Variants in PRRC2C observed in about 807,000 individuals in gnomAD.
PRRC2C encodes the protein protein PRRC2C.
In PRRC2C, 72 loss-of-function variants were observed where a neutral mutation model predicts 317.2. That is an observed-to-expected ratio of 0.23 (90% CI 0.19 to 0.28). The LOEUF is 0.28. PRRC2C is among the 10% of genes least tolerant of loss of function. PRRC2C has a pLI of 1.00. For missense variants in PRRC2C, 3,074 were observed against 3,459.7 expected (o/e 0.89, Z 2.80); for synonymous variants, 1,296 against 1,205.9 (o/e 1.07, Z -1.55).
intron 22 of PRRC2C, 108 bp downstream of exon 22, chr1:171,566,951 T>A: frequency 8.3e-7 from 1 of 1,202,460 alleles, no homozygotes. Flanking sequence ...GGCATATAAC[T>A]CTATAGATTA....
chr1:171,496,346 G>T (rs572139080), intron 1 of PRRC2C, among the ~76,000 whole-genome samples: 81 of 151,552 alleles, frequency 5.3e-4, no homozygotes, highest in South Asian at 4.2e-3. Context: ...GAGACTACAG[G>T]TGCACGCCAC....
chr1:171,553,428 A>ATT lies in PRRC2C; in HGVS notation c.5127+3198_5127+3199dup, dbSNP rs571256893. Among the ~76,000 whole-genome samples the ATT allele has an allele frequency of 2.6e-3, 383 of 146,962 alleles. 2 individuals are homozygous for ATT. Among genetic ancestry groups the ATT allele is most frequent in the African/African-American group, 8.4e-3 (339 of 40,140 alleles). On this transcript the variant is annotated intron_variant, in intron 18 of 34. Transcript: ENST00000647382. ...AAAAAACCAGCTCCTAGATTCATTG[A>ATT]TTTTTTTTTTTGAAGGGTTTCTTTG...
rs1433543947 is a variant in PRRC2C at position 171,571,173 on chromosome 1, C to T, written c.6652-147C>T. 7.4e-6 allele frequency: 4 copies of T among 543,406 alleles called. No homozygotes were observed. In the South Asian group the frequency reaches 1.1e-4, roughly 15 times the overall value. 33.7% of individuals were successfully genotyped at this position (543,406 alleles called of 1,614,324 possible). On this transcript the variant is annotated intron_variant, in intron 23 of 34. Coordinates refer to ENST00000647382, the MANE Select transcript of PRRC2C (RefSeq NM_001387844.1). The stretch of plus-strand genomic sequence containing the variant: ...ATCCTTAATTACCAACTACTATAAA[C>T]ACAATGTGACTCTTAAGTAATCACA...
chr1:171,497,729 A>G (rs1470735855), intron 1 of PRRC2C, among the ~76,000 whole-genome samples: 1 of 152,150 alleles, frequency 6.6e-6, no homozygotes, highest in Non-Finnish European at 1.5e-5. Context: ...TTCGCCTTTC[A>G]AAGTGCTGGT....
intron 1 of PRRC2C, among the ~76,000 whole-genome samples, chr1:171,502,287 A>G (rs1326833103): frequency 6.6e-6 from 1 of 152,166 alleles, no homozygotes; most frequent in Non-Finnish European, 1.5e-5. Flanking sequence ...CACTTGGGGA[A>G]CTTTTCAAAA....
chr1:171,492,671 C>T (rs1202239171), intron 1 of PRRC2C, among the ~76,000 whole-genome samples: 5 of 152,088 alleles, frequency 3.3e-5, no homozygotes, highest in South Asian at 2.1e-4. Flanking sequence ...CATTGCACTC[C>T]GGCCTGGACA....
chr1:171,589,707 T>C (rs1558064092), intron 34 of PRRC2C, 102 bp downstream of exon 34: 12 of 808,760 alleles, frequency 1.5e-5, no homozygotes, highest in Non-Finnish European at 1.7e-5. Flanking sequence ...TTCATTGTCT[T>C]AGCAGACTTA....
chr1:171,559,983 C>T (rs567132811), intron 19 of PRRC2C, among the ~76,000 whole-genome samples: 59 of 152,340 alleles, frequency 3.9e-4, no homozygotes, highest in African/African-American at 1.4e-3. Context: ...TGCCTTCCAA[C>T]ATGGCATCCA....
rs1223429583 is a variant in PRRC2C at position 171,537,364 on chromosome 1, G to A, written c.2395G>A (p.Ala799Thr). ...EHIARSARDH[A>T]ISLSEPRMLW... ...TATAGCTCGATCTGCAAGAGATCAC[G>A]CAATTTCCCTTTCTGAGCCTCGTAT... Residue 799 changes from alanine (A) to threonine (T), a missense_variant, in exon 15 of 35, where the codon GCA becomes ACA. Physicochemically the swap from Ala to Thr is moderately conservative, Grantham distance 58 (BLOSUM62 0). Transcript: ENST00000647382. 13 of 1,592,440 alleles carry A rather than the reference G, an allele frequency of 8.2e-6. No individual in the cohort carries two copies. The highest frequency in any genetic ancestry group is 6.8e-5 in the East Asian group (3 of 44,334).
chr1:171,584,381 T>A (rs1649375915), intron 29 of PRRC2C, 38 bp from the exon 30 acceptor site: 2 of 1,501,296 alleles, frequency 1.3e-6, no homozygotes, highest in Admixed American at 2.5e-5. Flanking sequence ...GAAATTTTTT[T>A]CAGTCTTACT....
At position 171,532,733 on chromosome 1, in the gene PRRC2C, A is replaced by G. The variant is rs777599500; in HGVS notation, c.1645A>G (p.Lys549Glu). 1 of 1,542,510 alleles carries G rather than the reference A, an allele frequency of 6.5e-7. No homozygotes were observed. The highest frequency in any genetic ancestry group is 1.2e-5 in the South Asian group (1 of 80,980). The change falls in exon 12 of 35, where the codon AAG (lysine) becomes GAG (glutamate). Residue 549 changes from lysine to glutamate, a missense_variant. By Grantham distance (56) the Lys-to-Glu change is moderately conservative. Coordinates refer to ENST00000647382, the MANE Select transcript of PRRC2C (RefSeq NM_001387844.1). ...GCAGGAAAAGGAGAAAGAGCTGGAG[A>G]AGGAGCAGGAAAAACAAAGAGAAAT... ...RQQEKEKELEKEQEKQREMEK... is the reference protein window; with the variant it reads ...RQQEKEKELEEEQEKQREMEK...
In PRRC2C at chr1:171,566,102, A is replaced by G. The variant is rs1683603954; in HGVS notation, c.6118-131A>G. Reference sequence around the variant, plus strand: ...TAAGAGAAAATTATCCTAAAATATAATTAATGTCGGTCTCAGTTAATATGT... The same window carrying G: ...TAAGAGAAAATTATCCTAAAATATAGTTAATGTCGGTCTCAGTTAATATGT... On this transcript the variant is annotated intron_variant, in intron 20 of 34. Coordinates refer to ENST00000647382, the MANE Select transcript of PRRC2C (RefSeq NM_001387844.1). 3 of 689,550 alleles carry G rather than the reference A, an allele frequency of 4.4e-6. 1 individual carries two copies. 42.7% of individuals were successfully genotyped at this position (689,550 alleles called of 1,614,324 possible). A position where few individuals can be genotyped will look rare whatever the true frequency, so the allele number is the denominator to read the frequency against.
rs1389933799 is a variant in PRRC2C at position 171,545,461 on chromosome 1, C to G, written c.4764-18C>G. 1.3e-6 allele frequency: 2 copies of G among 1,546,636 alleles called. No homozygotes were observed. The highest frequency in any genetic ancestry group is 1.7e-6 in the Non-Finnish European group (2 of 1,144,430). The stretch of plus-strand genomic sequence containing the variant: ...TGGGTAGGTGGAAATAGTAATATCT[C>G]AAGTTATTTTTTTGTAGGCCATTTG... On this transcript the variant is annotated intron_variant, in intron 16 of 34. Coordinates refer to ENST00000647382, the MANE Select transcript of PRRC2C (RefSeq NM_001387844.1).
At chr1:171,503,753 G>A (rs2102164136) in intron 1 of PRRC2C, among the ~76,000 whole-genome samples, 1 of 152,262 alleles carries the variant, frequency 6.6e-6, no homozygotes, top group African/African-American at 2.4e-5. Context: ...CCAAGACTGG[G>A]CAATTTATAA....
At chr1:171,572,857 A>G (rs1438282490) in intron 24 of PRRC2C, among the ~76,000 whole-genome samples, 1 of 152,240 alleles carries the variant, frequency 6.6e-6, no homozygotes, top group Non-Finnish European at 1.5e-5. Flanking sequence ...AAGAAGAAAT[A>G]TACACATTGA....
intron 6 of PRRC2C, among the ~76,000 whole-genome samples, chr1:171,520,067 A>T (rs938259467): frequency 2.0e-5 from 3 of 152,166 alleles, no homozygotes; most frequent in African/African-American, 7.2e-5. Context: ...GGTTCAAGCG[A>T]TTCTCCCGCC....
In PRRC2C at chr1:171,587,183, G is replaced by A. The variant is rs140918664; in HGVS notation, c.7930G>A (p.Ala2644Thr). ...VSQPFRGLIPAGTQHSMIATT... is the reference protein window; with the variant it reads ...VSQPFRGLIPTGTQHSMIATT... ...CCAGCCTTTCAGAGGATTAATTCCT[G>A]CTGGAACACAGCATAGCATGATTGC... The change falls in exon 31 of 35, where the codon GCT becomes ACT. Residue 2644 changes from alanine (A) to threonine (T), a missense_variant. Ala to Thr is a moderately conservative substitution (Grantham distance 58). Around this residue, in one of 11 missense-constraint regions of PRRC2C, gnomAD observed 490 missense variants for 663.1 expected, o/e 0.74. Transcript: ENST00000647382. 1.2e-6 allele frequency: 2 copies of A among 1,608,478 alleles called. No individual in the cohort carries two copies.
intron 20 of PRRC2C, among the ~76,000 whole-genome samples, chr1:171,561,531 A>G (rs543849994): frequency 1.3e-5 from 2 of 152,204 alleles, no homozygotes; most frequent in Non-Finnish European, 2.9e-5. Context: ...CCCCATGTCC[A>G]TAGTTCATGA....
chr1:171,582,836 C>T (rs1258038004), intron 28 of PRRC2C, among the ~76,000 whole-genome samples: 3 of 146,022 alleles, frequency 2.1e-5, no homozygotes, highest in Non-Finnish European at 3.0e-5. Context: ...CTATACTACA[C>T]TGTGGGTACA....
Sources: gnomAD v4.1 joint callset for allele counts (sites outside exome capture counted in the v4.1 genomes callset) on GRCh38, gnomAD v4.1.1 for gene constraint, gnomAD v4.1.1 regional missense constraint, MANE v1.5 for transcripts, NCBI Gene and HGNC (gene_info 2026-07-23, HGNC 2026-07-21) for gene names.